The following CADPS2 variants were observed in gnomAD, a reference collection of about 807,000 sequenced individuals.
CADPS2 encodes the protein calcium dependent secretion activator 2.
CADPS2 carries 93 observed loss-of-function variants against 172.5 expected under a neutral mutation model. The ratio of observed to expected loss-of-function variants is 0.54; its 90% CI spans 0.46 to 0.64. The LOEUF is 0.64. CADPS2 is among the 30% of genes least tolerant of loss of function. The probability of loss-of-function intolerance (pLI) is 0.00; values close to 1 mark genes in which losing one functional copy is unlikely to be tolerated. For missense variants in CADPS2, 1,420 were observed against 1,565.9 expected, an observed-to-expected ratio of 0.91 and a Z score of 1.57; for synonymous variants, 546 against 555.2, an observed-to-expected ratio of 0.98 and a Z score of 0.23.
At chr7:122,721,429 G>C (rs909108007) in intron 2 of CADPS2, among the ~76,000 whole-genome samples, 1 of 152,060 alleles carries the variant, frequency 6.6e-6, no homozygotes, top group Non-Finnish European at 1.5e-5. Flanking sequence ...AAATAAACTA[G>C]AAAATCTAGA....
intron 3 of CADPS2, among the ~76,000 whole-genome samples, chr7:122,654,211 G>A (rs1478024027): frequency 1.3e-5 from 2 of 152,210 alleles, no homozygotes; most frequent in African/African-American, 4.8e-5. Context: ...GAAATGCAAG[G>A]TGAAGCAGCA....
At chr7:122,396,881 C>T (rs531022541) in intron 20 of CADPS2, among the ~76,000 whole-genome samples, 1 of 152,250 alleles carries the variant, frequency 6.6e-6, no homozygotes, top group East Asian at 1.9e-4. Context: ...TTCTAAGTTC[C>T]AGAAAAGTCC....
intron 1 of CADPS2, among the ~76,000 whole-genome samples, chr7:122,788,800 T>C (rs544473291): frequency 7.2e-5 from 11 of 152,200 alleles, no homozygotes; most frequent in Non-Finnish European, 1.3e-4. Context: ...CTGGAGGTCA[T>C]AGAGCTCCAC....
intron 20 of CADPS2, among the ~76,000 whole-genome samples, chr7:122,406,238 C>G (rs1376889727): frequency 2.6e-5 from 4 of 152,116 alleles, no homozygotes; most frequent in Non-Finnish European, 5.9e-5. Flanking sequence ...TAGACTAGAG[C>G]CATGAACAAA....
At chr7:122,636,366 G>T (rs2077059954) in intron 3 of CADPS2, among the ~76,000 whole-genome samples, 1 of 151,770 alleles carries the variant, frequency 6.6e-6, no homozygotes, top group African/African-American at 2.4e-5. Flanking sequence ...GCTTAGTTTG[G>T]CAGGATATGA....
At chr7:122,407,402 G>A (rs1446262966) in intron 20 of CADPS2, 138 bp downstream of exon 20, 51 of 876,762 alleles carry the variant, frequency 5.8e-5, no homozygotes, top group South Asian at 5.3e-4. Flanking sequence ...TGACATAATC[G>A]GGCAGGCTGA....
chr7:122,790,378 G>A (rs1233621263), intron 1 of CADPS2, among the ~76,000 whole-genome samples: 29 of 147,216 alleles, frequency 2.0e-4, no homozygotes, highest in Middle Eastern at 3.4e-3. Context: ...CAGCCAAGGG[G>A]ACAGCCAGAC....
chr7:122,790,120 G>C (rs181815016), intron 1 of CADPS2, among the ~76,000 whole-genome samples: 4 of 148,900 alleles, frequency 2.7e-5, no homozygotes, highest in Non-Finnish European at 5.9e-5. Flanking sequence ...AAAAAGGCCA[G>C]GAGCAATGGC....
intron 1 of CADPS2, among the ~76,000 whole-genome samples, chr7:122,835,755 G>C (rs1158917619): frequency 1.3e-5 from 2 of 152,146 alleles, no homozygotes; most frequent in Non-Finnish European, 2.9e-5. Context: ...AATGAACAAA[G>C]CCTCCAAGAA....
intron 8 of CADPS2, among the ~76,000 whole-genome samples, chr7:122,529,345 A>G (rs1365052199): frequency 1.3e-5 from 2 of 152,130 alleles, no homozygotes; most frequent in Non-Finnish European, 2.9e-5. Context: ...GCATAAAAAC[A>G]CATTTGGAGT....
At chr7:122,598,328 T>C (rs1054517379) in intron 6 of CADPS2, among the ~76,000 whole-genome samples, 19 of 152,070 alleles carry the variant, frequency 1.2e-4, no homozygotes, top group Admixed American at 1.0e-3. Context: ...AGTATTATAA[T>C]AGCTTTAGAA....
At position 122,448,458 on chromosome 7, in the gene CADPS2, A is replaced by C. The variant is rs79297981; in HGVS notation, c.2288+2916T>G. Among the ~76,000 whole-genome samples, 183 of 152,340 alleles carry C rather than the reference A, an allele frequency of 1.2e-3. 1 individual carries two copies. In the East Asian group the frequency reaches 0.027, roughly 22 times the overall value. The stretch of plus-strand genomic sequence containing the variant: ...AAATCATATCAGGATTGTATAGTAC[A>C]TATTTAGAGAAATTATCCAAAGATG... On this transcript the variant is annotated intron_variant, in intron 15 of 29. Coordinates refer to ENST00000449022, the MANE Select transcript of CADPS2 (RefSeq NM_017954.11).
At chr7:122,574,422 G>T (rs1217739767) in intron 7 of CADPS2, among the ~76,000 whole-genome samples, 1 of 121,248 alleles carries the variant, frequency 8.2e-6, no homozygotes, top group African/African-American at 3.2e-5. Flanking sequence ...CTCCAGCCTG[G>T]GTGATAGAGT....
intron 1 of CADPS2, among the ~76,000 whole-genome samples, chr7:122,797,930 T>C (rs1353498752): frequency 6.6e-6 from 1 of 152,134 alleles, no homozygotes; most frequent in Non-Finnish European, 1.5e-5. Flanking sequence ...CATTCTCTAA[T>C]TCATAGAGAT....
At chr7:122,566,780 G>A (rs536868406) in intron 7 of CADPS2, among the ~76,000 whole-genome samples, 101 of 152,248 alleles carry the variant, frequency 6.6e-4, no homozygotes, top group African/African-American at 2.4e-3. Flanking sequence ...CCAAACAAAA[G>A]TAACTAATTC....
intron 27 of CADPS2, among the ~76,000 whole-genome samples, chr7:122,350,626 C>T (rs970548661): frequency 6.6e-6 from 1 of 152,114 alleles, no homozygotes; most frequent in African/African-American, 2.4e-5. Flanking sequence ...ACAGAGATTA[C>T]AGAGCCTTCT....
intron 17 of CADPS2, among the ~76,000 whole-genome samples, chr7:122,418,269 CTTTG>C (rs1179335959): frequency 6.6e-6 from 1 of 152,118 alleles, no homozygotes; most frequent in African/African-American, 2.4e-5. Flanking sequence ...TTCCTAACAG[CTTTG>C]TTTTTTATTC....
intron 13 of CADPS2, among the ~76,000 whole-genome samples, chr7:122,472,980 T>C (rs1419763183): frequency 6.6e-6 from 1 of 152,080 alleles, no homozygotes; most frequent in East Asian, 1.9e-4. Flanking sequence ...AGGTTGAGCA[T>C]CCCAAATCCA....
intron 8 of CADPS2, among the ~76,000 whole-genome samples, chr7:122,530,315 C>CTT (rs554922076): frequency 3.7e-5 from 5 of 133,444 alleles, no homozygotes; most frequent in Admixed American, 7.6e-5. Flanking sequence ...CTTAAGTTAG[C>CTT]TTTTTTTTTT....
Sources: allele counts gnomAD v4.1 joint callset (sites outside exome capture counted in the v4.1 genomes callset), GRCh38; gene constraint gnomAD v4.1.1; transcripts MANE v1.5; gene names NCBI Gene and HGNC (gene_info 2026-07-23, HGNC 2026-07-21).